TASP1: variants seen among roughly 807,000 people sequenced by gnomAD.
TASP1 encodes the protein threonine aspartase 1.
In TASP1, 16 loss-of-function variants were observed where a neutral mutation model predicts 56.6. That is an observed-to-expected ratio of 0.28 (90% CI 0.19 to 0.43). The LOEUF is 0.43. Ranked by LOEUF, TASP1 falls within the 20% of genes least tolerant of loss-of-function variation. The probability of loss-of-function intolerance (pLI) is 1.00; values close to 1 mark genes in which losing one functional copy is unlikely to be tolerated. For synonymous variants in TASP1, 179 were observed against 184.2 expected, an observed-to-expected ratio of 0.97 and a Z score of 0.23; for missense variants, 393 against 511.6, an observed-to-expected ratio of 0.77 and a Z score of 2.24.
At chr20:13,576,353 GAAA>G (rs1568603049) in intron 6 of TASP1, among the ~76,000 whole-genome samples, 2 of 108,686 alleles carry the variant, frequency 1.8e-5, no homozygotes, top group African/African-American at 3.7e-5. Context: ...AAGAAAGAAA[GAAA>G]GAAAGAAAGA....
chr20:13,465,761 T>A (rs906394667), intron 11 of TASP1, among the ~76,000 whole-genome samples: 4 of 143,796 alleles, frequency 2.8e-5, no homozygotes, highest in African/African-American at 1.0e-4. Flanking sequence ...AATGATTCCA[T>A]CTATATAACA....
intron 12 of TASP1, among the ~76,000 whole-genome samples, chr20:13,424,742 T>G (rs950138750): frequency 1.3e-5 from 2 of 151,974 alleles, no homozygotes; most frequent in East Asian, 3.9e-4. Context: ...ATGCTTATGT[T>G]CTTTAGAAGG....
chr20:13,564,783 T>C (rs1407050742), intron 7 of TASP1, among the ~76,000 whole-genome samples: 3 of 151,748 alleles, frequency 2.0e-5, no homozygotes, highest in Non-Finnish European at 4.4e-5. Context: ...GGCAAATCAT[T>C]TGAAGTCAGG....
At chr20:13,414,665 T>C (rs2042196520) in intron 13 of TASP1, among the ~76,000 whole-genome samples, 1 of 152,222 alleles carries the variant, frequency 6.6e-6, no homozygotes, top group Non-Finnish European at 1.5e-5. Flanking sequence ...CTTCATTAAC[T>C]GTCTGCTATC....
the TASP1 span, among the ~76,000 whole-genome samples, chr20:13,245,908 T>C: frequency 1.3e-5 from 2 of 152,176 alleles, no homozygotes; most frequent in Non-Finnish European, 2.9e-5. Context: ...CACTATTCCT[T>C]GTACCCGCCC....
chr20:13,471,964 C>T (rs1330529984), intron 11 of TASP1, among the ~76,000 whole-genome samples: 1 of 152,136 alleles, frequency 6.6e-6, no homozygotes, highest in Non-Finnish European at 1.5e-5. Flanking sequence ...CTACCAATGA[C>T]TTTCTTCACA....
At chr20:13,449,855 C>T (rs1287229692) in intron 11 of TASP1, among the ~76,000 whole-genome samples, 1 of 151,970 alleles carries the variant, frequency 6.6e-6, no homozygotes, top group African/African-American at 2.4e-5. Context: ...AGGGAGTCAC[C>T]CATTAATGCA....
intron 2 of TASP1, among the ~76,000 whole-genome samples, chr20:13,625,809 A>G (rs150364403): frequency 2.0e-5 from 3 of 152,332 alleles, no homozygotes; most frequent in East Asian, 1.9e-4. Context: ...ACTAGAATGT[A>G]GCTCAGGGTG....
the TASP1 span, among the ~76,000 whole-genome samples, chr20:13,206,808 C>T: frequency 8.5e-5 from 13 of 152,240 alleles, 1 homozygote; most frequent in South Asian, 2.1e-4. Context: ...ATGACCCCAC[C>T]GGGGTGGAAA....
At chr20:13,171,018 G>A in the TASP1 span, among the ~76,000 whole-genome samples, 28 of 152,172 alleles carry the variant, frequency 1.8e-4, no homozygotes, top group African/African-American at 6.5e-4. Flanking sequence ...GTAGCAATGT[G>A]GGGTCATGGA....
the TASP1 span, among the ~76,000 whole-genome samples, chr20:13,305,471 G>A: frequency 6.6e-6 from 1 of 152,126 alleles, no homozygotes; most frequent in Non-Finnish European, 1.5e-5. Flanking sequence ...GTGTTGTGGG[G>A]CGGGGATTAG....
At chr20:13,200,754 C>T in the TASP1 span, among the ~76,000 whole-genome samples, 1 of 152,190 alleles carries the variant, frequency 6.6e-6, no homozygotes, top group Non-Finnish European at 1.5e-5. Flanking sequence ...GGTAAATTTC[C>T]ACCTAATCTG....
the TASP1 span, among the ~76,000 whole-genome samples, chr20:13,250,993 C>T: frequency 6.6e-6 from 1 of 152,192 alleles, no homozygotes; most frequent in Non-Finnish European, 1.5e-5. Flanking sequence ...TTTTAATATT[C>T]ATGACCTGGA....
chr20:13,115,564 T>G, the TASP1 span, among the ~76,000 whole-genome samples: 1 of 152,138 alleles, frequency 6.6e-6, no homozygotes, highest in Non-Finnish European at 1.5e-5. Context: ...GTTACCAACT[T>G]ATAACATTTT....
intron 13 of TASP1, among the ~76,000 whole-genome samples, chr20:13,405,707 C>G (rs904904429): frequency 4.0e-5 from 6 of 148,200 alleles, no homozygotes; most frequent in African/African-American, 1.6e-4. Context: ...CCACCATGCC[C>G]AGCTAATTTT....
intron 10 of TASP1, among the ~76,000 whole-genome samples, chr20:13,527,758 C>T (rs1342896858): frequency 6.6e-6 from 1 of 151,546 alleles, no homozygotes. Flanking sequence ...GGAAATGTAC[C>T]TTGTAAGTTT....
intron 4 of TASP1, among the ~76,000 whole-genome samples, chr20:13,600,164 T>C (rs1380623185): frequency 6.6e-6 from 1 of 152,220 alleles, no homozygotes. Context: ...ACTATGTTCA[T>C]GAACTGGAAA....
chr20:13,409,052 T>C (rs1225223854), intron 13 of TASP1, among the ~76,000 whole-genome samples: 1 of 152,102 alleles, frequency 6.6e-6, no homozygotes, highest in Non-Finnish European at 1.5e-5. Flanking sequence ...ACTCATTTAT[T>C]TTAAACTTTC....
At chr20:13,355,794 T>TAATA in the TASP1 span, among the ~76,000 whole-genome samples, 1 of 152,200 alleles carries the variant, frequency 6.6e-6, no homozygotes, top group Non-Finnish European at 1.5e-5. Context: ...AATGACAACT[T>TAATA]AATTTAACTG....
Sources: gnomAD v4.1 joint callset for allele counts (sites outside exome capture counted in the v4.1 genomes callset) on GRCh38, gnomAD v4.1.1 for gene constraint, MANE v1.5 for transcripts, NCBI Gene and HGNC (gene_info 2026-07-23, HGNC 2026-07-21) for gene names.